The following ROCK1 variants were observed in gnomAD, a reference collection of about 807,000 sequenced individuals.
ROCK1 encodes the protein rho-associated protein kinase 1.
ROCK1 carries 36 observed loss-of-function variants against 196.8 expected under a neutral mutation model. The observed-to-expected ratio is 0.18, with a 90% CI of 0.14 to 0.24. The LOEUF is 0.24. Ranked by LOEUF, ROCK1 falls within the 10% of genes least tolerant of loss-of-function variation. The probability of loss-of-function intolerance (pLI) is 1.00; values close to 1 mark genes in which losing one functional copy is unlikely to be tolerated. For missense variants in ROCK1, 920 were observed against 1,562.0 expected, an observed-to-expected ratio of 0.59 and a Z score of 6.93; for synonymous variants, 443 against 515.9, an observed-to-expected ratio of 0.86 and a Z score of 1.91.
In ROCK1 at chr18:21,111,313, C is replaced by G. The variant is rs1168878523; in HGVS notation, c.-403G>C. The G allele has an allele frequency of 4.4e-6, 2 of 452,512 alleles. No homozygotes were observed. The allele number at this position is 452,512 out of a possible 1,614,324, so 28.0% of individuals were successfully genotyped here. On this transcript the variant is annotated 5_prime_UTR_variant, in exon 1 of 33. Coordinates refer to ENST00000399799, the MANE Select transcript of ROCK1 (RefSeq NM_005406.3). This position sits in a 1 kb window ranked among gnomAD's most constrained non-coding sequence, Gnocchi z 4.2. ...AAGCAGGGTGGAGACTCCCTCCGGGCAACAAGGGAGGGAGAAGAGGAAAGG... is the reference window on the plus strand; with the variant it reads ...AAGCAGGGTGGAGACTCCCTCCGGGGAACAAGGGAGGGAGAAGAGGAAAGG...
chr18:20,959,157 T>TTA (rs1335812455), intron 29 of ROCK1, among the ~76,000 whole-genome samples: 10 of 69,434 alleles, frequency 1.4e-4, no homozygotes, highest in Non-Finnish European at 1.9e-4. Flanking sequence ...AATATATATA[T>TTA]TATATATTAT....
At chr18:20,987,678 T>C (rs567883859) in intron 18 of ROCK1, among the ~76,000 whole-genome samples, 2 of 152,354 alleles carry the variant, frequency 1.3e-5, no homozygotes, top group South Asian at 4.1e-4. Context: ...TCCATGTTCA[T>C]GTAACTAGTA....
chr18:20,987,278 A>G (rs1409322765), intron 18 of ROCK1, among the ~76,000 whole-genome samples, 168 bp from the exon 19 acceptor site: 1 of 152,216 alleles, frequency 6.6e-6, no homozygotes, highest in Non-Finnish European at 1.5e-5. Context: ...CTATTTATAT[A>G]GCAGAAATCT....
intron 1 of ROCK1, among the ~76,000 whole-genome samples, chr18:21,106,475 A>G (rs2036704421): frequency 6.6e-6 from 1 of 152,152 alleles, no homozygotes; most frequent in Non-Finnish European, 1.5e-5. Flanking sequence ...TTAATTTACA[A>G]ATCATAAGCA....
At chr18:21,008,284 GAA>G (rs958448101) in intron 13 of ROCK1, 90 bp from the exon 14 acceptor site, 28 of 719,080 alleles carry the variant, frequency 3.9e-5, no homozygotes, top group Middle Eastern at 3.0e-4. Flanking sequence ...CAAAAAACAA[GAA>G]AAAAAAAAAG....
At chr18:21,018,306 G>C (rs577053382) in intron 12 of ROCK1, among the ~76,000 whole-genome samples, 2 of 152,066 alleles carry the variant, frequency 1.3e-5, no homozygotes, top group South Asian at 4.2e-4. Context: ...GAGGTGGGTG[G>C]ATCACCTGAG....
chr18:21,002,105 A>G lies in ROCK1; in HGVS notation c.1885+4246T>C, dbSNP rs150336440. On this transcript the variant is annotated intron_variant, in intron 16 of 32. Transcript: ENST00000399799. Reference sequence around the variant, plus strand: ...TAAGAAATTATTAATTACAAAAAAAATTGTTTCCTACCTCTGTCCATTAAA... The same window carrying G: ...TAAGAAATTATTAATTACAAAAAAAGTTGTTTCCTACCTCTGTCCATTAAA... Among the ~76,000 whole-genome samples the G allele has an allele frequency of 8.2e-3, 1,241 of 152,262 alleles. 9 individuals are homozygous for G. The highest frequency in any genetic ancestry group is 0.051 in the Middle Eastern group (15 of 294).
Position 20,972,842 on chromosome 18 carries a change from G to A in ROCK1, c.2655-2329C>T, listed in dbSNP as rs564127072. Reference sequence around the variant, plus strand: ...TGGTATGTCACTTTTCAAGTAAGTTGGCTATAAAAAAAAGAAAAGTGGGAT... The same window carrying A: ...TGGTATGTCACTTTTCAAGTAAGTTAGCTATAAAAAAAAGAAAAGTGGGAT... On this transcript the variant is annotated intron_variant, in intron 22 of 32. Transcript: ENST00000399799. Among the ~76,000 whole-genome samples, 12 of 152,208 alleles carry A rather than the reference G, an allele frequency of 7.9e-5. No individual in the cohort carries two copies. In the East Asian group the frequency reaches 2.3e-3, roughly 29 times the overall value.
intron 1 of ROCK1, among the ~76,000 whole-genome samples, chr18:21,083,285 A>G (rs1219767447): frequency 1.3e-5 from 2 of 152,184 alleles, no homozygotes; most frequent in Non-Finnish European, 2.9e-5. Flanking sequence ...TGTAATCCCT[A>G]TCAAAATCCC....
chr18:21,061,473 A>C (rs2036290245), intron 2 of ROCK1, among the ~76,000 whole-genome samples: 1 of 152,240 alleles, frequency 6.6e-6, no homozygotes, highest in African/African-American at 2.4e-5. Context: ...AGGTAAAACT[A>C]TAGGAACAGA....
intron 29 of ROCK1, among the ~76,000 whole-genome samples, chr18:20,957,937 G>A (rs2035261649): frequency 6.6e-6 from 1 of 152,022 alleles, no homozygotes; most frequent in African/African-American, 2.4e-5. Context: ...CATAACCACT[G>A]TGCCCAGCCA....
chr18:21,045,028 T>TG, intron 5 of ROCK1: 2 of 166,466 alleles, frequency 1.2e-5, no homozygotes, highest in East Asian at 1.2e-4. Flanking sequence ...ACCTGTGTTT[T>TG]TTTTTTTTTT....
intron 12 of ROCK1, among the ~76,000 whole-genome samples, chr18:21,017,223 G>T (rs892004715): frequency 2.6e-5 from 3 of 115,804 alleles, no homozygotes; most frequent in Admixed American, 1.3e-4. Flanking sequence ...ATGAAATCTC[G>T]CTCTGTTGCC....
chr18:20,992,352 CA>C (rs2035633883), intron 17 of ROCK1, among the ~76,000 whole-genome samples: 1 of 152,136 alleles, frequency 6.6e-6, no homozygotes, highest in Admixed American at 6.5e-5. Context: ...AGGTATATAA[CA>C]GAGAATAACC....
chr18:20,996,409 T>C (rs367697310), intron 16 of ROCK1, among the ~76,000 whole-genome samples: 3 of 152,246 alleles, frequency 2.0e-5, no homozygotes, highest in African/African-American at 7.2e-5. Context: ...GGAACATGCA[T>C]ATAAGATCTA....
intron 18 of ROCK1, among the ~76,000 whole-genome samples, chr18:20,989,969 A>C (rs2035609288): frequency 6.6e-6 from 1 of 152,172 alleles, no homozygotes; most frequent in African/African-American, 2.4e-5. Flanking sequence ...ACAGCCAAGC[A>C]TGGTGGCTCA....
chr18:21,085,910 T>C (rs962561693), intron 1 of ROCK1, among the ~76,000 whole-genome samples: 1 of 152,194 alleles, frequency 6.6e-6, no homozygotes, highest in African/African-American at 2.4e-5. Flanking sequence ...TCCTCCCTAC[T>C]GCCTTAAAGT....
At chr18:21,035,227 T>C (rs1026154349) in intron 9 of ROCK1, among the ~76,000 whole-genome samples, 14 of 152,244 alleles carry the variant, frequency 9.2e-5, no homozygotes, top group African/African-American at 3.4e-4. Flanking sequence ...TTGTGGATAC[T>C]ATTATGGCGT....
At chr18:21,019,776 C>T (rs1037057571) in intron 12 of ROCK1, among the ~76,000 whole-genome samples, 8 of 146,632 alleles carry the variant, frequency 5.5e-5, no homozygotes, top group African/African-American at 1.0e-4. Context: ...CCAGCCTGGA[C>T]GACAGAGCGA....
Sources: gnomAD v4.1 joint callset for allele counts (sites outside exome capture counted in the v4.1 genomes callset) on GRCh38, gnomAD v4.1.1 for gene constraint, Gnocchi (gnomAD v3.1) non-coding constraint, MANE v1.5 for transcripts, NCBI Gene and HGNC (gene_info 2026-07-23, HGNC 2026-07-21) for gene names.